Variants in ZNF804B observed in about 807,000 individuals in gnomAD.
The protein encoded by ZNF804B is zinc finger protein 804B.
In ZNF804B, 80 loss-of-function variants were observed where a neutral mutation model predicts 101.4. The ratio of observed to expected loss-of-function variants is 0.79; its 90% CI spans 0.66 to 0.95. The LOEUF (loss-of-function observed/expected upper bound fraction) is 0.95. Ranked by LOEUF, ZNF804B falls within the 40% of genes least tolerant of loss-of-function variation. ZNF804B has a pLI of 0.00. For missense variants in ZNF804B, 1,673 were observed against 1,561.9 expected, an observed-to-expected ratio of 1.07 and a Z score of -1.20; for synonymous variants, 622 against 558.8, an observed-to-expected ratio of 1.11 and a Z score of -1.59.
intron 1 of ZNF804B, among the ~76,000 whole-genome samples, chr7:89,162,672 A>ATT: frequency 2.3e-5 from 3 of 129,494 alleles, no homozygotes; most frequent in Admixed American, 2.3e-4. Context: ...TTATTATTAT[A>ATT]CTTTAAGTTT....
chr7:89,293,815 C>A (rs1467142336), intron 2 of ZNF804B, among the ~76,000 whole-genome samples: 3 of 151,990 alleles, frequency 2.0e-5, no homozygotes, highest in Non-Finnish European at 4.4e-5. Flanking sequence ...AAAAAGAATG[C>A]AGAAATGGAA....
Position 89,084,714 on chromosome 7 carries a change from T to C in ZNF804B, c.109-133441T>C, listed in dbSNP as rs150039619. Reference sequence around the variant, plus strand: ...ATGTCTTCAAATGTTTAGATAACAATAGTAATACACACACACACATATTTA... The same window carrying C: ...ATGTCTTCAAATGTTTAGATAACAACAGTAATACACACACACACATATTTA... On this transcript the variant is annotated intron_variant, in intron 1 of 3. Coordinates refer to ENST00000333190, the MANE Select transcript of ZNF804B (RefSeq NM_181646.5). Among the ~76,000 whole-genome samples, 1,135 of 152,052 alleles carry C rather than the reference T, an allele frequency of 7.5e-3. 6 individuals carry two copies. Among genetic ancestry groups the C allele is most frequent in the Non-Finnish European group, 0.012 (817 of 67,902 alleles).
chr7:88,994,740 A>C (rs911559711), intron 1 of ZNF804B, among the ~76,000 whole-genome samples: 1 of 152,078 alleles, frequency 6.6e-6, no homozygotes, highest in African/African-American at 2.4e-5. Flanking sequence ...TTTCTCAACA[A>C]CATACATTAA....
At chr7:89,138,071 G>A (rs1790662801) in intron 1 of ZNF804B, among the ~76,000 whole-genome samples, 1 of 152,268 alleles carries the variant, frequency 6.6e-6, no homozygotes, top group Non-Finnish European at 1.5e-5. Flanking sequence ...AAAAATTGAG[G>A]TTTGGGAACC....
chr7:89,277,062 C>A (rs1789991622), intron 2 of ZNF804B, among the ~76,000 whole-genome samples: 1 of 149,950 alleles, frequency 6.7e-6, no homozygotes, highest in Non-Finnish European at 1.5e-5. Flanking sequence ...GGTCTGTTGT[C>A]AAATTTAATA....
chr7:88,782,870 A>G (rs1476859249), intron 1 of ZNF804B, among the ~76,000 whole-genome samples: 3 of 152,132 alleles, frequency 2.0e-5, no homozygotes, highest in African/African-American at 7.2e-5. Context: ...CATCGCACAA[A>G]TAAGCATTTG....
intron 2 of ZNF804B, among the ~76,000 whole-genome samples, chr7:89,324,871 A>G (rs1203633585): frequency 6.6e-6 from 1 of 151,782 alleles, no homozygotes; most frequent in Admixed American, 6.6e-5. Context: ...GTTTGGTACT[A>G]TGATTCAGCT....
At chr7:88,998,988 A>G (rs75003249) in intron 1 of ZNF804B, among the ~76,000 whole-genome samples, 1,963 of 152,074 alleles carry the variant, frequency 0.013, 27 homozygotes, top group Non-Finnish European at 0.021. Flanking sequence ...GATATTTTCT[A>G]CTCCTGAAAC....
intron 1 of ZNF804B, among the ~76,000 whole-genome samples, chr7:88,772,830 T>A (rs1790088662): frequency 6.6e-6 from 1 of 152,174 alleles, no homozygotes. Context: ...ATGATATCCT[T>A]TGTTCAAAGG....
chr7:88,942,859 A>T (rs1222685259), intron 1 of ZNF804B, among the ~76,000 whole-genome samples: 1 of 151,840 alleles, frequency 6.6e-6, no homozygotes, highest in Non-Finnish European at 1.5e-5. Flanking sequence ...TGAGTATCTT[A>T]TGGCACTGAA....
At chr7:89,037,373 G>A (rs1788943635) in intron 1 of ZNF804B, among the ~76,000 whole-genome samples, 1 of 151,752 alleles carries the variant, frequency 6.6e-6, no homozygotes, top group African/African-American at 2.4e-5. Context: ...TGTTGATTGT[G>A]GTATTTGTTG....
chr7:89,275,741 A>G (rs1415783448), intron 2 of ZNF804B, among the ~76,000 whole-genome samples: 3 of 151,924 alleles, frequency 2.0e-5, no homozygotes, highest in Non-Finnish European at 4.4e-5. Context: ...GTGTTATGCT[A>G]GATATTTTAC....
At chr7:89,283,328 A>C (rs1173667853) in intron 2 of ZNF804B, among the ~76,000 whole-genome samples, 1 of 152,268 alleles carries the variant, frequency 6.6e-6, no homozygotes, top group African/African-American at 2.4e-5. Flanking sequence ...TGTAAAAAAC[A>C]GTTAAGCATC....
In ZNF804B at chr7:89,316,071, C is replaced by T. The variant is rs978167322; in HGVS notation, c.250-11273C>T. 3.3e-5 allele frequency among the ~76,000 whole-genome samples: 5 copies of T among 152,030 alleles called. No individual in the cohort carries two copies. The South Asian group carries it at 8.3e-4, about 25-fold the overall frequency. Reference sequence around the variant, plus strand: ...ATATTAAAATATTTTCCAAACAAAACTAAGCATGTGACTTAATATTAATTC... The same window carrying T: ...ATATTAAAATATTTTCCAAACAAAATTAAGCATGTGACTTAATATTAATTC... On this transcript the variant is annotated intron_variant, in intron 2 of 3. Coordinates refer to ENST00000333190, the MANE Select transcript of ZNF804B (RefSeq NM_181646.5).
intron 1 of ZNF804B, among the ~76,000 whole-genome samples, chr7:88,878,048 T>G (rs746526174): frequency 3.9e-5 from 6 of 152,164 alleles, no homozygotes; most frequent in Non-Finnish European, 8.8e-5. Flanking sequence ...CAAGTAAAAT[T>G]TTGGGATTAA....
At chr7:88,863,115 A>G (rs1384243343) in intron 1 of ZNF804B, among the ~76,000 whole-genome samples, 1 of 152,108 alleles carries the variant, frequency 6.6e-6, no homozygotes, top group Non-Finnish European at 1.5e-5. Context: ...CGTGCTCACT[A>G]TGCTACAGCA....
intron 1 of ZNF804B, among the ~76,000 whole-genome samples, chr7:88,996,009 G>A (rs1195519579): frequency 6.6e-6 from 1 of 152,032 alleles, no homozygotes; most frequent in Non-Finnish European, 1.5e-5. Context: ...GATCTAAGAA[G>A]CCATGGCAGC....
At chr7:89,132,535 A>G (rs900537318) in intron 1 of ZNF804B, among the ~76,000 whole-genome samples, 5 of 152,118 alleles carry the variant, frequency 3.3e-5, no homozygotes, top group Admixed American at 2.0e-4. Flanking sequence ...CAGCTCCACT[A>G]CCTACTGCTG....
intron 1 of ZNF804B, among the ~76,000 whole-genome samples, chr7:89,213,418 G>T (rs965760065): frequency 3.9e-5 from 6 of 152,182 alleles, no homozygotes; most frequent in Admixed American, 2.0e-4. Flanking sequence ...AATTCTCACA[G>T]CTCTGTGCTG....
Sources: gnomAD v4.1 joint callset for allele counts (sites outside exome capture counted in the v4.1 genomes callset) on GRCh38, gnomAD v4.1.1 for gene constraint, MANE v1.5 for transcripts, NCBI Gene and HGNC (gene_info 2026-07-23, HGNC 2026-07-21) for gene names.